Variants in MGAT4C observed in about 807,000 individuals in gnomAD.
The protein encoded by MGAT4C is alpha-1,3-mannosyl-glycoprotein 4-beta-N-acetylglucosaminyltransferase C.
In MGAT4C, 19 loss-of-function variants were observed where a neutral mutation model predicts 40.1. That is an observed-to-expected ratio of 0.47 (90% CI 0.33 to 0.70). The LOEUF (loss-of-function observed/expected upper bound fraction) is 0.70, where lower values mean the gene tolerates loss of function less well. MGAT4C is among the 30% of genes least tolerant of loss of function. The pLI, the probability that MGAT4C is intolerant of heterozygous loss-of-function variation, is 0.02. For missense variants in MGAT4C, 491 were observed against 563.2 expected, an observed-to-expected ratio of 0.87 and a Z score of 1.30; for synonymous variants, 181 against 187.1, an observed-to-expected ratio of 0.97 and a Z score of 0.27.
At chr12:86,332,420 CA>C (rs372785859) in intron 4 of MGAT4C, among the ~76,000 whole-genome samples, 2 of 144,054 alleles carry the variant, frequency 1.4e-5, no homozygotes, top group Middle Eastern at 3.6e-3. Flanking sequence ...AAGTATCTCT[CA>C]AAAAAAAAGA....
chr12:86,525,068 T>G (rs1417073590), intron 2 of MGAT4C, among the ~76,000 whole-genome samples: 1 of 152,178 alleles, frequency 6.6e-6, no homozygotes, highest in Non-Finnish European at 1.5e-5. Context: ...TTTCTGTTAT[T>G]TCAACTATAA....
chr12:86,045,230 T>C (rs551170004), intron 2 of MGAT4C, among the ~76,000 whole-genome samples: 2 of 152,256 alleles, frequency 1.3e-5, no homozygotes, highest in South Asian at 2.1e-4. Context: ...CTTTTGTTTT[T>C]AAAATAAAAA....
intron 1 of MGAT4C, among the ~76,000 whole-genome samples, chr12:86,244,302 G>A (rs1349182071): frequency 1.3e-5 from 2 of 152,170 alleles, no homozygotes. Flanking sequence ...AAACTCTCAG[G>A]ATGTAAGTTG....
intron 1 of MGAT4C, among the ~76,000 whole-genome samples, chr12:86,123,493 A>G (rs939644644): frequency 2.0e-5 from 3 of 152,124 alleles, no homozygotes; most frequent in African/African-American, 7.2e-5. Flanking sequence ...TATCTTACAC[A>G]TGTAATACCA....
At chr12:86,351,766 T>C (rs981843072) in intron 3 of MGAT4C, among the ~76,000 whole-genome samples, 1 of 152,004 alleles carries the variant, frequency 6.6e-6, no homozygotes, top group Non-Finnish European at 1.5e-5. Flanking sequence ...TCTTAATCAG[T>C]CCTTAAAATT....
intron 2 of MGAT4C, among the ~76,000 whole-genome samples, chr12:86,037,424 T>C (rs914462473): frequency 5.3e-5 from 8 of 150,218 alleles, no homozygotes; most frequent in African/African-American, 1.5e-4. Context: ...CTTGTGGGCA[T>C]TTACTGCTAT....
At position 86,245,602 on chromosome 12, in the gene MGAT4C, C is replaced by A. The variant is rs371560762; in HGVS notation, c.-57+10637G>T. Among the ~76,000 whole-genome samples the A allele has an allele frequency of 8.5e-5, 13 of 152,258 alleles. No individual in the cohort carries two copies. In the East Asian group the frequency reaches 2.3e-3, roughly 27 times the overall value. Reference sequence around the variant, plus strand: ...AGAGGTGGCTGTGATGTTTCCTAGGCATAGTATTGTGCCCAACTGTTCCAG... The same window carrying A: ...AGAGGTGGCTGTGATGTTTCCTAGGAATAGTATTGTGCCCAACTGTTCCAG... On this transcript the variant is annotated intron_variant, in intron 1 of 4. Coordinates refer to ENST00000611864, the MANE Select transcript of MGAT4C (RefSeq NM_001351288.2).
chr12:86,356,408 C>A (rs1955311608), intron 3 of MGAT4C, among the ~76,000 whole-genome samples: 1 of 152,140 alleles, frequency 6.6e-6, no homozygotes, highest in South Asian at 2.1e-4. Flanking sequence ...TCAGTGTGAG[C>A]AATGCAGAAG....
intron 1 of MGAT4C, among the ~76,000 whole-genome samples, chr12:86,245,794 A>T (rs1053093370): frequency 2.0e-5 from 3 of 152,208 alleles, no homozygotes; most frequent in Non-Finnish European, 2.9e-5. Flanking sequence ...TTATTCAAAA[A>T]TATCTTGCCC....
In MGAT4C at chr12:85,979,420, T is replaced by C. The variant is rs750521235; in HGVS notation, c.1306A>G (p.Lys436Glu). Residue 436 changes from lysine (K) to glutamate (E), a missense_variant, in exon 5 of 5, where the codon AAA (lysine) becomes GAA (glutamate). Physicochemically the swap from Lys to Glu is moderately conservative, Grantham distance 56. Coordinates refer to ENST00000611864, the MANE Select transcript of MGAT4C (RefSeq NM_001351288.2). ...CSTYLRLGEF[K>E]NGNFEMSGVN... Reference sequence around the variant, plus strand: ...CCTGACATTTCAAAGTTTCCATTTTTGAATTCTCCTAGTCTTAAGTAAGTA... The same window carrying C: ...CCTGACATTTCAAAGTTTCCATTTTCGAATTCTCCTAGTCTTAAGTAAGTA... The C allele has an allele frequency of 8.7e-6, 14 of 1,613,430 alleles. No individual in the cohort carries two copies. Among genetic ancestry groups the C allele is most frequent in the Non-Finnish European group, 1.2e-5 (14 of 1,179,582 alleles).
At chr12:86,719,768 A>C (rs1950707268) in intron 2 of MGAT4C, among the ~76,000 whole-genome samples, 1 of 152,138 alleles carries the variant, frequency 6.6e-6, no homozygotes, top group Non-Finnish European at 1.5e-5. Flanking sequence ...CACCTGATAA[A>C]ATTTCTTTAA....
rs1354824597 is a variant in MGAT4C at position 86,123,215 on chromosome 12, T to A, written c.-56-73492A>T. The stretch of plus-strand genomic sequence containing the variant: ...AAAATAGCAGCTGAAAAAGAAAAGT[T>A]GTAGAATCCATAAATAACTGTCAAA... On this transcript the variant is annotated intron_variant, in intron 1 of 4. Coordinates refer to ENST00000611864, the MANE Select transcript of MGAT4C (RefSeq NM_001351288.2). Among the ~76,000 whole-genome samples the A allele has an allele frequency of 2.6e-5, 4 of 152,132 alleles. No homozygotes were observed. The East Asian group carries it at 7.7e-4, about 29-fold the overall frequency.
intron 4 of MGAT4C, among the ~76,000 whole-genome samples, chr12:86,265,399 C>T (rs576982268): frequency 1.1e-3 from 171 of 152,346 alleles, no homozygotes; most frequent in African/African-American, 3.8e-3. Context: ...AATCTTCCCA[C>T]CACTGTTTAT....
Position 86,112,546 on chromosome 12 carries a change from C to A in MGAT4C, c.-56-62823G>T, listed in dbSNP as rs543421202. Among the ~76,000 whole-genome samples the A allele has an allele frequency of 2.0e-5, 3 of 151,542 alleles. No individual in the cohort carries two copies. In the South Asian group the frequency reaches 6.2e-4, roughly 32 times the overall value. On this transcript the variant is annotated intron_variant, in intron 1 of 4. Transcript: ENST00000611864. ...TATTATATGCCTCTTATTGTGCTCA[C>A]CACTGAGAACAATAGAAATAAGAAA...
intron 1 of MGAT4C, among the ~76,000 whole-genome samples, chr12:86,732,612 C>T (rs1040993256): frequency 9.2e-5 from 14 of 151,874 alleles, no homozygotes; most frequent in African/African-American, 3.4e-4. Context: ...GACTCTAATG[C>T]CAAGACAGAT....
At chr12:86,785,962 C>T (rs1182627969) in intron 1 of MGAT4C, among the ~76,000 whole-genome samples, 1 of 151,950 alleles carries the variant, frequency 6.6e-6, no homozygotes, top group Non-Finnish European at 1.5e-5. Flanking sequence ...CTTCTTGGGT[C>T]GTTAAGCAAA....
At chr12:86,661,695 C>T (rs1963982956) in intron 2 of MGAT4C, among the ~76,000 whole-genome samples, 1 of 152,070 alleles carries the variant, frequency 6.6e-6, no homozygotes, top group African/African-American at 2.4e-5. Context: ...TCTGTAATCC[C>T]AGCACTTTGA....
chr12:86,711,758 T>C (rs1950559540), intron 2 of MGAT4C, among the ~76,000 whole-genome samples: 2 of 152,188 alleles, frequency 1.3e-5, no homozygotes, highest in South Asian at 4.1e-4. Flanking sequence ...GAATTTAATA[T>C]GTCTCATATT....
chr12:86,441,356 T>C (rs1205996592), intron 2 of MGAT4C, among the ~76,000 whole-genome samples: 1 of 151,192 alleles, frequency 6.6e-6, no homozygotes, highest in Non-Finnish European at 1.5e-5. Flanking sequence ...ATTATTATTA[T>C]TATTATTATA....
Sources: gnomAD v4.1 joint callset for allele counts (sites outside exome capture counted in the v4.1 genomes callset) on GRCh38, gnomAD v4.1.1 for gene constraint, MANE v1.5 for transcripts, NCBI Gene and HGNC (gene_info 2026-07-23, HGNC 2026-07-21) for gene names.